The following DDX10 variants were observed in gnomAD, a reference collection of about 807,000 sequenced individuals.
DDX10 encodes the protein DEAD-box helicase 10.
Under a neutral mutation model 104.3 loss-of-function variants are expected in DDX10, and 74 were observed. The observed-to-expected ratio is 0.71, with a 90% CI of 0.59 to 0.86. The LOEUF is 0.86. Ranked by LOEUF, DDX10 falls within the 40% of genes least tolerant of loss-of-function variation. The pLI, the probability that DDX10 is intolerant of heterozygous loss-of-function variation, is 0.00. For synonymous variants in DDX10, 351 were observed against 353.4 expected, an observed-to-expected ratio of 0.99 and a Z score of 0.08; for missense variants, 952 against 1,040.0, an observed-to-expected ratio of 0.92 and a Z score of 1.16.
chr11:108,780,777 A>G (rs1340778560), intron 13 of DDX10, among the ~76,000 whole-genome samples: 1 of 152,210 alleles, frequency 6.6e-6, no homozygotes, highest in African/African-American at 2.4e-5. Context: ...ATGGGATAGT[A>G]AATAAAGGTA....
chr11:108,892,920 CCT>C (rs1211851733), intron 16 of DDX10, among the ~76,000 whole-genome samples: 1 of 152,226 alleles, frequency 6.6e-6, no homozygotes, highest in East Asian at 1.9e-4. Context: ...CTAAACAACC[CCT>C]GTTCCTTCCT....
chr11:108,747,033 A>G (rs751752214), intron 13 of DDX10, among the ~76,000 whole-genome samples: 4 of 152,136 alleles, frequency 2.6e-5, no homozygotes, highest in Non-Finnish European at 5.9e-5. Flanking sequence ...GCTTGCAGAT[A>G]GAAATGTGTA....
At chr11:108,827,965 T>C (rs1180600566) in intron 13 of DDX10, among the ~76,000 whole-genome samples, 1 of 152,222 alleles carries the variant, frequency 6.6e-6, no homozygotes, top group Non-Finnish European at 1.5e-5. Context: ...TTTTAAAATG[T>C]GCAGTTCAGT....
intron 11 of DDX10, among the ~76,000 whole-genome samples, chr11:108,719,134 A>G (rs1296531711): frequency 6.7e-6 from 1 of 150,054 alleles, no homozygotes; most frequent in Non-Finnish European, 1.5e-5. Context: ...TAACAGAAAC[A>G]AAATATTCCA....
At chr11:108,752,191 A>G (rs1200241647) in intron 13 of DDX10, among the ~76,000 whole-genome samples, 1 of 152,114 alleles carries the variant, frequency 6.6e-6, no homozygotes, top group Non-Finnish European at 1.5e-5. Context: ...TAGTTTGAAC[A>G]CAGATACTGG....
At chr11:108,844,606 T>C (rs1038734198) in intron 15 of DDX10, among the ~76,000 whole-genome samples, 6 of 152,198 alleles carry the variant, frequency 3.9e-5, no homozygotes, top group Non-Finnish European at 8.8e-5. Flanking sequence ...TGCTGTACTG[T>C]GGAATAACCT....
At chr11:108,918,057 C>G in intron 17 of DDX10, 39 bp downstream of exon 17, 1 of 1,571,096 alleles carries the variant, frequency 6.4e-7, no homozygotes, top group South Asian at 1.1e-5. Context: ...ATACTTAGTA[C>G]TCTCACATCA....
At chr11:108,706,685 A>G in intron 9 of DDX10, 54 bp from the exon 10 acceptor site, 3 of 1,372,682 alleles carry the variant, frequency 2.2e-6, no homozygotes, top group South Asian at 1.2e-5. Context: ...CTCTGTTAAA[A>G]TGTAAAATGC....
At chr11:108,771,663 A>T (rs2094363349) in intron 13 of DDX10, among the ~76,000 whole-genome samples, 1 of 152,172 alleles carries the variant, frequency 6.6e-6, no homozygotes, top group Non-Finnish European at 1.5e-5. Context: ...GTTCTGGATT[A>T]GATGTTGTGG....
chr11:108,665,849 A>G (rs1029081251), intron 1 of DDX10, among the ~76,000 whole-genome samples: 1 of 152,156 alleles, frequency 6.6e-6, no homozygotes, highest in African/African-American at 2.4e-5. Flanking sequence ...TTTAACCATG[A>G]AGCCAGACTG....
At chr11:108,929,651 A>T (rs532232000) in intron 17 of DDX10, 1 of 152,168 alleles carries the variant, frequency 6.6e-6, no homozygotes, top group Admixed American at 6.5e-5. Context: ...TGAAATTCTC[A>T]TAAGAACAGA....
intron 16 of DDX10, 84 bp downstream of exon 16, chr11:108,852,293 C>A: frequency 2.1e-6 from 2 of 932,652 alleles, no homozygotes; most frequent in Non-Finnish European, 3.2e-6. Flanking sequence ...AAGAACAATG[C>A]TTATAATGTT....
chr11:108,878,670 A>T (rs1365614585), intron 16 of DDX10, among the ~76,000 whole-genome samples: 1 of 152,166 alleles, frequency 6.6e-6, no homozygotes, highest in East Asian at 1.9e-4. Context: ...TCTATATTAA[A>T]GACTTCTTAG....
chr11:108,769,579 T>C (rs1387249195), intron 13 of DDX10, among the ~76,000 whole-genome samples: 1 of 152,194 alleles, frequency 6.6e-6, no homozygotes, highest in African/African-American at 2.4e-5. Context: ...ATATAAACTC[T>C]TGTGTTTTGT....
intron 14 of DDX10, among the ~76,000 whole-genome samples, chr11:108,840,927 G>A (rs1156833776): frequency 6.6e-6 from 1 of 152,172 alleles, no homozygotes; most frequent in Non-Finnish European, 1.5e-5. Context: ...TACCATGGAA[G>A]CCCAAAGGAG....
chr11:108,767,530 G>A (rs1255238463), intron 13 of DDX10: 1 of 152,178 alleles, frequency 6.6e-6, no homozygotes, highest in Non-Finnish European at 1.5e-5. Context: ...TTAGTTTTCA[G>A]TAGTCAATCC....
chr11:108,841,673 A>G (rs1862640927), intron 15 of DDX10, among the ~76,000 whole-genome samples, 197 bp downstream of exon 15: 1 of 152,116 alleles, frequency 6.6e-6, no homozygotes, highest in African/African-American at 2.4e-5. Flanking sequence ...GTTTCTGAGA[A>G]TGCCACTTAA....
intron 9 of DDX10, among the ~76,000 whole-genome samples, chr11:108,698,778 C>G (rs142991014): frequency 0.02 from 3,098 of 152,306 alleles, 46 homozygotes; most frequent in Non-Finnish European, 0.031. Flanking sequence ...AGCCAATGAC[C>G]CCCTGGGCCT....
chr11:108,756,374 AT>A (rs1325481884), intron 13 of DDX10, among the ~76,000 whole-genome samples: 2 of 152,064 alleles, frequency 1.3e-5, no homozygotes, highest in Non-Finnish European at 2.9e-5. Context: ...CTTGGGTTTA[AT>A]CAGATTGCAA....
Sources: allele counts gnomAD v4.1 joint callset (sites outside exome capture counted in the v4.1 genomes callset), GRCh38; gene constraint gnomAD v4.1.1; transcripts MANE v1.5; gene names NCBI Gene and HGNC (gene_info 2026-07-23, HGNC 2026-07-21).